Variants in CACNA1C observed in about 807,000 individuals in gnomAD.
The protein encoded by CACNA1C is voltage-dependent L-type calcium channel subunit alpha-1C.
CACNA1C carries 30 observed loss-of-function variants against 229.0 expected under a neutral mutation model. That is an observed-to-expected ratio of 0.13 (90% CI 0.10 to 0.18). CACNA1C has a LOEUF of 0.18. Ranked by LOEUF, CACNA1C falls within the 10% of genes least tolerant of loss-of-function variation. The probability of loss-of-function intolerance (pLI) is 1.00; values close to 1 mark genes in which losing one functional copy is unlikely to be tolerated. For missense variants in CACNA1C, 1,658 were observed against 2,845.0 expected, an observed-to-expected ratio of 0.58 and a Z score of 9.49; for synonymous variants, 1,114 against 1,132.5, an observed-to-expected ratio of 0.98 and a Z score of 0.33.
intron 5 of CACNA1C, among the ~76,000 whole-genome samples, chr12:2,480,757 A>G (rs755878310): frequency 6.6e-6 from 1 of 152,220 alleles, no homozygotes; most frequent in Non-Finnish European, 1.5e-5. Context: ...TCTGTCATCA[A>G]GCCTCCTTGA....
At chr12:2,635,545 C>G (rs1447118483) in intron 30 of CACNA1C, among the ~76,000 whole-genome samples, 1 of 151,518 alleles carries the variant, frequency 6.6e-6, no homozygotes, top group Non-Finnish European at 1.5e-5. Context: ...TCCATGCACC[C>G]TTACTCCCCT....
chr12:2,490,707 C>G (rs1309423014), intron 6 of CACNA1C, among the ~76,000 whole-genome samples: 1 of 152,122 alleles, frequency 6.6e-6, no homozygotes, highest in Non-Finnish European at 1.5e-5. Context: ...TTTTTTGTAG[C>G]ATCACATCCA....
chr12:1,995,212 T>C (rs1271137895), intron 1 of CACNA1C, among the ~76,000 whole-genome samples: 4 of 148,082 alleles, frequency 2.7e-5, no homozygotes, highest in Non-Finnish European at 6.1e-5. Context: ...TCCTCTTCCA[T>C]AGTTAAAAAA....
intron 3 of CACNA1C, among the ~76,000 whole-genome samples, chr12:2,436,169 A>G (rs1261248389): frequency 1.3e-5 from 2 of 152,212 alleles, no homozygotes; most frequent in African/African-American, 2.4e-5. Flanking sequence ...CTGATGAACT[A>G]CTAATTGGGA....
intron 3 of CACNA1C, among the ~76,000 whole-genome samples, chr12:2,216,697 T>C (rs2060062668): frequency 6.6e-6 from 1 of 152,212 alleles, no homozygotes; most frequent in Non-Finnish European, 1.5e-5. Flanking sequence ...TCTGATTCAG[T>C]GGCCTTCATA....
At chr12:2,358,493 G>T (rs2154529738) in intron 3 of CACNA1C, among the ~76,000 whole-genome samples, 1 of 152,306 alleles carries the variant, frequency 6.6e-6, no homozygotes, top group South Asian at 2.1e-4. Context: ...GTAAGTGGCA[G>T]TAACAGGAAT....
At chr12:2,449,166 C>G (rs1442278266) in intron 4 of CACNA1C, 51 bp downstream of exon 4, 2 of 1,399,616 alleles carry the variant, frequency 1.4e-6, no homozygotes, top group East Asian at 5.2e-5. Context: ...TGTTGCGGGA[C>G]TTTTCCTTAA....
chr12:2,215,384 G>GCAGGGCCCAGCATGCCC lies in CACNA1C; in HGVS notation c.477+94970_477+94971insCCAGGGCCCAGCATGCC, dbSNP rs1490202337. ...TGTTACCCTGATGGCTTGCCAGCTT[G>GCAGGGCCCAGCATGCCC]CAGGGCCCAGCATGCCTGTGAGGGC... On this transcript the variant is annotated intron_variant, in intron 3 of 46. Transcript: ENST00000399655. This position sits in a 1 kb window ranked among gnomAD's most constrained non-coding sequence, Gnocchi z 5.0. 3.3e-5 allele frequency among the ~76,000 whole-genome samples: 5 copies of GCAGGGCCCAGCATGCCC among 152,098 alleles called. No homozygotes were observed. Among genetic ancestry groups the GCAGGGCCCAGCATGCCC allele is most frequent in the Non-Finnish European group, 7.4e-5 (5 of 68,026 alleles).
At chr12:2,623,495 G>A (rs2084516800) in intron 29 of CACNA1C, among the ~76,000 whole-genome samples, 2 of 152,140 alleles carry the variant, frequency 1.3e-5, no homozygotes, top group African/African-American at 4.8e-5. Flanking sequence ...CCTTCAAGCT[G>A]CCTCCCGAGA....
chr12:2,497,686 C>T (rs889180377), intron 7 of CACNA1C, among the ~76,000 whole-genome samples: 7 of 152,084 alleles, frequency 4.6e-5, no homozygotes, highest in African/African-American at 1.4e-4. Flanking sequence ...TTAGTTTCTC[C>T]GTGATCAGTT....
chr12:2,579,811 T>A (rs1401884057), intron 13 of CACNA1C, among the ~76,000 whole-genome samples: 2 of 152,182 alleles, frequency 1.3e-5, no homozygotes, highest in Non-Finnish European at 2.9e-5. Flanking sequence ...ACTCCTGGCC[T>A]CAAGCAGTCC....
At chr12:2,043,955 A>G (rs11062089) in intron 1 of CACNA1C, among the ~76,000 whole-genome samples, 40,910 of 151,998 alleles carry the variant, frequency 0.27, 6,062 homozygotes, top group African/African-American at 0.38. Context: ...GCGCCCGGCC[A>G]AAAACAGAAT....
chr12:2,612,293 G>T, intron 29 of CACNA1C: 1 of 377,464 alleles, frequency 2.6e-6, no homozygotes, highest in Non-Finnish European at 4.9e-6. Flanking sequence ...TCCTAGGAGA[G>T]GCAGGTGATG....
At position 2,469,520 on chromosome 12, in the gene CACNA1C, A is replaced by G. The variant is rs144401981; in HGVS notation, c.757+11814A>G. ...TTGTAGACATCTTCCTTCTGAAGACATGGGTGATTGGAACAGCATGTCATC... is the reference window on the plus strand; with the variant it reads ...TTGTAGACATCTTCCTTCTGAAGACGTGGGTGATTGGAACAGCATGTCATC... On this transcript the variant is annotated intron_variant, in intron 5 of 46. Coordinates refer to ENST00000399655, the MANE Select transcript of CACNA1C (RefSeq NM_000719.7). Among the ~76,000 whole-genome samples the G allele has an allele frequency of 8.9e-4, 136 of 152,350 alleles. 1 individual carries two copies. The highest frequency in any genetic ancestry group is 3.1e-3 in the African/African-American group (128 of 41,588).
intron 1 of CACNA1C, among the ~76,000 whole-genome samples, chr12:2,059,824 T>G (rs892506032): frequency 1.4e-4 from 22 of 152,172 alleles, no homozygotes; most frequent in Non-Finnish European, 2.6e-4. Context: ...CTCTTCATCC[T>G]CCTGCCTGTA....
rs886488073 is a variant in CACNA1C at position 2,601,734 on chromosome 12, C to T, written c.2854-120C>T. The T allele has an allele frequency of 8.2e-6, 6 of 731,576 alleles. No homozygotes were observed. The highest frequency in any genetic ancestry group is 6.9e-5 in the African/African-American group (4 of 58,144). The allele number at this position is 731,576 out of a possible 1,614,324, so 45.3% of individuals were successfully genotyped here. ...TAGCGCCGTCTTTGTCCTTCCTGTT[C>T]CCCATGGATGGTGCTTGGGACTTGC... On this transcript the variant is annotated intron_variant, in intron 21 of 46. Coordinates refer to ENST00000399655, the MANE Select transcript of CACNA1C (RefSeq NM_000719.7). The surrounding 1 kb of genome is among the most constrained non-coding windows in gnomAD (Gnocchi z 5.9).
intron 1 of CACNA1C, chr12:2,004,644 T>A (rs2043035209): frequency 1.5e-6 from 1 of 649,780 alleles, no homozygotes; most frequent in South Asian, 2.0e-5. Flanking sequence ...TCGTTGCCAC[T>A]GGCAACGACA....
At chr12:2,603,184 C>T (rs1283321790) in intron 22 of CACNA1C, among the ~76,000 whole-genome samples, 2 of 152,190 alleles carry the variant, frequency 1.3e-5, no homozygotes, top group East Asian at 1.9e-4. Context: ...CACTATTTAA[C>T]CTTGAATGAG....
At chr12:2,631,689 C>T (rs1169490070) in intron 29 of CACNA1C, among the ~76,000 whole-genome samples, 1 of 152,210 alleles carries the variant, frequency 6.6e-6, no homozygotes, top group African/African-American at 2.4e-5. Context: ...GGGAAGCCAA[C>T]AAGAAAGCCC....
Sources: allele counts gnomAD v4.1 joint callset (sites outside exome capture counted in the v4.1 genomes callset), GRCh38; gene constraint gnomAD v4.1.1; non-coding constraint Gnocchi (gnomAD v3.1); transcripts MANE v1.5; gene names NCBI Gene and HGNC (gene_info 2026-07-23, HGNC 2026-07-21).